The following TRIM23 variants were observed in gnomAD, a reference collection of about 807,000 sequenced individuals.
TRIM23 encodes tripartite motif containing 23.
TRIM23 carries 27 observed loss-of-function variants against 71.0 expected under a neutral mutation model. That is an observed-to-expected ratio of 0.38 (90% CI 0.28 to 0.52). The LOEUF (loss-of-function observed/expected upper bound fraction) is 0.52. Among genes scored for constraint, TRIM23 ranks in the 20% least tolerant of loss-of-function variants. The pLI, the probability that TRIM23 is intolerant of heterozygous loss-of-function variation, is 0.84. For missense variants in TRIM23, 482 were observed against 692.3 expected (o/e 0.70, Z 3.41); for synonymous variants, 234 against 238.0 (o/e 0.98, Z 0.16).
chr5:65,610,675 T>C (rs1446172487), intron 5 of TRIM23, among the ~76,000 whole-genome samples, 186 bp downstream of exon 5: 3 of 152,212 alleles, frequency 2.0e-5, no homozygotes, highest in Non-Finnish European at 4.4e-5. Context: ...CATAAAATAG[T>C]TACCATATTT....
intron 2 of TRIM23, among the ~76,000 whole-genome samples, chr5:65,616,641 TAAAAAAA>T (rs746034795): frequency 7.9e-6 from 1 of 126,316 alleles, no homozygotes; most frequent in South Asian, 2.5e-4. Flanking sequence ...CACTCTGCTT[TAAAAAAA>T]AAAAAAAAAA....
intron 4 of TRIM23, 38 bp from the exon 5 acceptor site, chr5:65,611,081 G>C: frequency 6.6e-7 from 1 of 1,515,438 alleles, no homozygotes; most frequent in Middle Eastern, 1.7e-4. Flanking sequence ...AGAACTCATA[G>C]TATTGACTAA....
At chr5:65,605,299 T>C (rs901027077) in intron 6 of TRIM23, among the ~76,000 whole-genome samples, 4 of 152,292 alleles carry the variant, frequency 2.6e-5, no homozygotes, top group Admixed American at 6.5e-5. Context: ...CACGTGATGA[T>C]AGAAATTTCA....
chr5:65,616,624 G>A (rs548929861), intron 2 of TRIM23, among the ~76,000 whole-genome samples: 40 of 140,254 alleles, frequency 2.9e-4, no homozygotes, highest in Non-Finnish European at 4.0e-4. Context: ...CCTGGGTGAC[G>A]GAGTAACACT....
At chr5:65,606,700 G>A (rs1335736717) in intron 6 of TRIM23, among the ~76,000 whole-genome samples, 1 of 152,134 alleles carries the variant, frequency 6.6e-6, no homozygotes, top group Admixed American at 6.5e-5. Flanking sequence ...CGGCCTGAAC[G>A]AATTCCTTCA....
Position 65,612,449 on chromosome 5 carries a change from C to T in TRIM23, c.367-568G>A, listed in dbSNP as rs563605821. Among the ~76,000 whole-genome samples the T allele has an allele frequency of 1.4e-4, 21 of 152,094 alleles. No individual in the cohort carries two copies. In the East Asian group the frequency reaches 3.3e-3, roughly 24 times the overall value. ...ACTTGTATATATTTTTCTAATTATA[C>T]GCCATGTTATTTTAATAGCTCCACA... On this transcript the variant is annotated intron_variant, in intron 3 of 10. Coordinates refer to ENST00000231524, the MANE Select transcript of TRIM23 (RefSeq NM_001656.4).
At chr5:65,600,622 T>TAAAAAAAAAAAA (rs34809421) in intron 7 of TRIM23, among the ~76,000 whole-genome samples, 4 of 102,324 alleles carry the variant, frequency 3.9e-5, no homozygotes, top group East Asian at 3.1e-4. Flanking sequence ...AAAAGCACAG[T>TAAAAAAAAAAAA]AAAAAAAAAA....
chr5:65,615,606 AG>A (rs1754757783), intron 2 of TRIM23, among the ~76,000 whole-genome samples: 1 of 152,018 alleles, frequency 6.6e-6, no homozygotes, highest in Admixed American at 6.6e-5. Context: ...CCTTGCCCCT[AG>A]AAGGCTTTCT....
At chr5:65,609,534 G>T in intron 5 of TRIM23, 76 bp from the exon 6 acceptor site, 1 of 1,442,126 alleles carries the variant, frequency 6.9e-7, no homozygotes, top group Non-Finnish European at 9.4e-7. Flanking sequence ...TAAAATTTCA[G>T]CCTAGGCAAC....
At chr5:65,621,426 G>T (rs468468) in intron 1 of TRIM23, among the ~76,000 whole-genome samples, 94,345 of 152,068 alleles carry the variant, frequency 0.62, 29,523 homozygotes, top group South Asian at 0.65. Flanking sequence ...CTCTAATAAA[G>T]TAAATTTATG....
At chr5:65,606,982 A>G (rs1285006290) in intron 6 of TRIM23, 1 of 152,258 alleles carries the variant, frequency 6.6e-6, no homozygotes, top group Non-Finnish European at 1.5e-5. Context: ...AATACATGGC[A>G]TATGTTAGCT....
chr5:65,594,240 G>A (rs981252318), intron 10 of TRIM23, among the ~76,000 whole-genome samples: 2 of 152,038 alleles, frequency 1.3e-5, no homozygotes, highest in East Asian at 1.9e-4. Context: ...CCTAATTCCC[G>A]TAACACTGTG....
At position 65,624,080 on chromosome 5, in the gene TRIM23, C is replaced by G. The variant is rs1221064657; in HGVS notation, c.81+114G>C. 6 of 1,262,850 alleles carry G rather than the reference C, an allele frequency of 4.8e-6. No individual in the cohort carries two copies. In the African/African-American group the frequency reaches 5.9e-5, roughly 13 times the overall value. The allele number at this position is 1,262,850 out of a possible 1,614,324, so 78.2% of individuals were successfully genotyped here. On this transcript the variant is annotated intron_variant, in intron 1 of 10. Transcript: ENST00000231524. ...CGAGACTTGTAATGCCAAAAGGGGC[C>G]CAGAGGCCGCGCATCCCACCTATCG...
At chr5:65,611,563 T>C (rs370057308) in intron 4 of TRIM23, 40 bp downstream of exon 4, 29 of 1,587,356 alleles carry the variant, frequency 1.8e-5, no homozygotes, top group East Asian at 2.2e-5. Context: ...GCTGGTAAAG[T>C]AGCTACAGTG....
At position 65,594,530 on chromosome 5, in the gene TRIM23, A is replaced by G; in HGVS notation, c.1536T>C (p.Ala512=). The change falls in exon 10 of 11, where the codon GCT becomes GCC. Residue 512 remains alanine, a synonymous_variant. Coordinates refer to ENST00000231524, the MANE Select transcript of TRIM23 (RefSeq NM_001656.4). ...TATAAAAATGCATTACCTGTTTGTT[A>G]GCAAAAATCAGGAGCAGAGCATCTC... The part of the protein sequence containing the change: ...ELRDALLLIF[A]NKQDVAGALS... 1 of 1,607,676 alleles carries G rather than the reference A, an allele frequency of 6.2e-7. No individual in the cohort carries two copies.
At chr5:65,620,457 A>G (rs1265658127) in intron 1 of TRIM23, among the ~76,000 whole-genome samples, 1 of 152,234 alleles carries the variant, frequency 6.6e-6, no homozygotes, top group Non-Finnish European at 1.5e-5. Context: ...ATAATACTAT[A>G]AAACTATATA....
In TRIM23 at chr5:65,591,415, C is replaced by CT; in HGVS notation, c.*353dup. The CT allele has an allele frequency of 6.3e-7, 1 of 1,582,948 alleles. No individual in the cohort carries two copies. Among genetic ancestry groups the CT allele is most frequent in the Admixed American group, 1.8e-5 (1 of 55,842 alleles). ...CTCATTAGGCACTCAATTGGCTATT[C>CT]TTTTTTCACTGAAAGAATAAACCTT... On this transcript the variant is annotated 3_prime_UTR_variant, in exon 11 of 11. Coordinates refer to ENST00000231524, the MANE Select transcript of TRIM23 (RefSeq NM_001656.4).
At chr5:65,616,689 T>C (rs995675250) in intron 2 of TRIM23, among the ~76,000 whole-genome samples, 1 of 151,834 alleles carries the variant, frequency 6.6e-6, no homozygotes, top group Admixed American at 6.6e-5. Flanking sequence ...TATTCTCTAT[T>C]TGAAAAACAT....
At chr5:65,623,873 A>C (rs2150648168) in intron 1 of TRIM23, among the ~76,000 whole-genome samples, 1 of 152,360 alleles carries the variant, frequency 6.6e-6, no homozygotes, top group East Asian at 1.9e-4. Context: ...TCAATTTATA[A>C]TACTAAGCTA....
Sources: gnomAD v4.1 joint callset for allele counts (sites outside exome capture counted in the v4.1 genomes callset) on GRCh38, gnomAD v4.1.1 for gene constraint, MANE v1.5 for transcripts, NCBI Gene and HGNC (gene_info 2026-07-23, HGNC 2026-07-21) for gene names.